CFAP418: variants seen among roughly 807,000 people sequenced by gnomAD.
CFAP418 encodes cilia- and flagella-associated protein 418.
A neutral mutation model predicts 24.7 loss-of-function variants in CFAP418; 27 were observed. The observed-to-expected ratio is 1.09, with a 90% CI of 0.81 to 1.51. The LOEUF is 1.51. Among genes scored for constraint, CFAP418 ranks in the 40% most tolerant of loss-of-function variants. The pLI, the probability that CFAP418 is intolerant of heterozygous loss-of-function variation, is 0.00. For missense variants in CFAP418, 257 were observed against 255.2 expected (o/e 1.01, Z -0.05); for synonymous variants, 74 against 87.3 (o/e 0.85, Z 0.85).
At chr8:95,265,789 T>C (rs936645475) in intron 1 of CFAP418, among the ~76,000 whole-genome samples, 3 of 152,228 alleles carry the variant, frequency 2.0e-5, no homozygotes, top group Non-Finnish European at 4.4e-5. Context: ...TGCTTTGCTA[T>C]AGTAATAACA....
chr8:95,264,026 A>C (rs1811935335), intron 1 of CFAP418, among the ~76,000 whole-genome samples: 1 of 152,216 alleles, frequency 6.6e-6, no homozygotes, highest in Non-Finnish European at 1.5e-5. Context: ...ACAGCTATAT[A>C]CATTATATTC....
chr8:95,247,713 T>C lies in CFAP418; in HGVS notation c.528A>G (p.Thr176=), dbSNP rs143748636. 3,605 of 1,613,924 alleles carry C rather than the reference T, an allele frequency of 2.2e-3. 11 individuals are homozygous for C. The highest frequency in any genetic ancestry group is 2.8e-3 in the Non-Finnish European group (3,311 of 1,179,886). ...LKAKLIKKKG[T]RAYACQCSWR... Reference sequence around the variant, plus strand: ...AGCTACACTGGCAGGCATATGCCCGTGTTCCTTTCTTCTTTATCAACTTTG... The same window carrying C: ...AGCTACACTGGCAGGCATATGCCCGCGTTCCTTTCTTCTTTATCAACTTTG... The change falls in exon 6 of 6, where the codon ACA becomes ACG. Residue 176 remains threonine (T), a synonymous_variant. Coordinates refer to ENST00000286688, the MANE Select transcript of CFAP418 (RefSeq NM_177965.4).
intron 4 of CFAP418, among the ~76,000 whole-genome samples, chr8:95,258,633 T>G (rs528623185): frequency 9.8e-5 from 15 of 152,312 alleles, no homozygotes; most frequent in African/African-American, 3.4e-4. Context: ...AAGTCTATAC[T>G]AGTGTAATAT....
In CFAP418 at chr8:95,247,773, A is replaced by T; in HGVS notation, c.471-3T>A. 1 of 1,599,484 alleles carries T rather than the reference A, an allele frequency of 6.3e-7. No individual in the cohort carries two copies. The highest frequency in any genetic ancestry group is 8.5e-7 in the Non-Finnish European group (1 of 1,172,260). ...TGTGAAATTCTGGCATGTTGTTCCT[A>T]TTAGTAAAACAGGAAAGTTTTAGCA... On this transcript the variant is annotated splice_region_variant and splice_polypyrimidine_tract_variant and intron_variant, in intron 5 of 5. Coordinates refer to ENST00000286688, the MANE Select transcript of CFAP418 (RefSeq NM_177965.4).
At chr8:95,251,106 G>T (rs1811700165) in intron 5 of CFAP418, among the ~76,000 whole-genome samples, 1 of 152,182 alleles carries the variant, frequency 6.6e-6, no homozygotes, top group Admixed American at 6.5e-5. Context: ...AAGTGTATAA[G>T]AATGTACAAA....
chr8:95,265,437 T>C (rs1811963017), intron 1 of CFAP418, among the ~76,000 whole-genome samples: 2 of 152,342 alleles, frequency 1.3e-5, no homozygotes, highest in Admixed American at 6.5e-5. Context: ...GTGAAACTCT[T>C]CTCTCGAAGG....
chr8:95,247,712 G>A lies in CFAP418; in HGVS notation c.529C>T (p.Arg177Trp), dbSNP rs387907136. Residue 177 changes from arginine (R) to tryptophan (W), a missense_variant, in exon 6 of 6, where the codon CGG becomes TGG. By Grantham distance (101) the Arg-to-Trp change is moderately radical. Transcript: ENST00000286688. The part of the protein sequence containing the change: ...KAKLIKKKGT[R>W]AYACQCSWRT... ...CAGCTACACTGGCAGGCATATGCCC[G>A]TGTTCCTTTCTTCTTTATCAACTTT... 38 of 1,613,454 alleles carry A rather than the reference G, an allele frequency of 2.4e-5. No homozygotes were observed. Among genetic ancestry groups the A allele is most frequent in the Middle Eastern group, 1.6e-4 (1 of 6,078 alleles).
At chr8:95,264,642 A>C (rs187786966) in intron 1 of CFAP418, among the ~76,000 whole-genome samples, 31 of 152,340 alleles carry the variant, frequency 2.0e-4, no homozygotes, top group Admixed American at 1.4e-3. Flanking sequence ...CATCAACTTT[A>C]TAACTTCATT....
At chr8:95,264,608 C>T (rs536312559) in intron 1 of CFAP418, among the ~76,000 whole-genome samples, 1 of 152,226 alleles carries the variant, frequency 6.6e-6, no homozygotes, top group East Asian at 1.9e-4. Flanking sequence ...CTTTCTTTAG[C>T]GTTTGTATGA....
chr8:95,263,692 G>GT lies in CFAP418; in HGVS notation c.237dup (p.Pro80ThrfsTer3). On this transcript the variant is annotated frameshift_variant, in exon 2 of 6. Transcript: ENST00000286688. LOFTEE classifies it high-confidence loss of function. ...ATTTATAACACTTGACTTACAGAGG[G>GT]TTTTTTGTCCAAGTTGGGCTCTTCA... The GT allele has an allele frequency of 2.5e-6, 4 of 1,589,082 alleles. No homozygotes were observed. Among genetic ancestry groups the GT allele is most frequent in the East Asian group, 2.2e-5 (1 of 44,588 alleles).
intron 5 of CFAP418, 30 bp from the exon 6 acceptor site, chr8:95,247,800 A>G (rs754957091): frequency 6.4e-7 from 1 of 1,561,176 alleles, no homozygotes. Context: ...GTTTTAGCAT[A>G]GTGGCTTTGT....
intron 4 of CFAP418, among the ~76,000 whole-genome samples, chr8:95,256,016 A>G (rs13276119): frequency 0.065 from 9,852 of 152,332 alleles, 402 homozygotes; most frequent in Non-Finnish European, 0.088. Flanking sequence ...GGTAGAAATC[A>G]GGTATAATTG....
Position 95,258,350 on chromosome 8 carries a change from C to T in CFAP418, c.374+1490G>A, listed in dbSNP as rs57741605. Among the ~76,000 whole-genome samples, 871 of 142,276 alleles carry T rather than the reference C, an allele frequency of 6.1e-3. 9 individuals carry two copies. Among genetic ancestry groups the T allele is most frequent in the African/African-American group, 0.021 (800 of 38,110 alleles). 93.3% of individuals were successfully genotyped at this position (142,276 alleles called of 152,430 possible). On this transcript the variant is annotated intron_variant, in intron 4 of 5. Transcript: ENST00000286688. ...AGAGCCGAGACTGCGCCACTGCACT[C>T]CAGCCTGGGCGACAGAGCGAGACTC... is the stretch of plus-strand genomic sequence containing the variant.
Position 95,247,482 on chromosome 8 carries a change from A to G in CFAP418, c.*135T>C. ...TAGTCCATTTGGTCTTCAAAAATGTATGTAGTTGTATCAATAAAATTCACT... is the reference window on the plus strand; with the variant it reads ...TAGTCCATTTGGTCTTCAAAAATGTGTGTAGTTGTATCAATAAAATTCACT... On this transcript the variant is annotated 3_prime_UTR_variant, in exon 6 of 6. Transcript: ENST00000286688. 3.2e-6 allele frequency: 3 copies of G among 942,850 alleles called. No individual in the cohort carries two copies. The allele number at this position is 942,850 out of a possible 1,614,324, so 58.4% of individuals were successfully genotyped here.
At chr8:95,266,040 A>G (rs974733784) in intron 1 of CFAP418, among the ~76,000 whole-genome samples, 1 of 152,244 alleles carries the variant, frequency 6.6e-6, no homozygotes, top group Non-Finnish European at 1.5e-5. Context: ...TATTATATAG[A>G]AAGCTTAAAT....
intron 4 of CFAP418, among the ~76,000 whole-genome samples, chr8:95,258,256 C>T (rs1299089627): frequency 2.0e-5 from 3 of 151,552 alleles, no homozygotes; most frequent in African/African-American, 7.3e-5. Flanking sequence ...GTGGCGGGCA[C>T]CTGTAGTCCC....
intron 4 of CFAP418, among the ~76,000 whole-genome samples, chr8:95,256,315 T>C (rs1215771626): frequency 6.6e-6 from 1 of 152,232 alleles, no homozygotes; most frequent in Non-Finnish European, 1.5e-5. Context: ...AGAATAAAGA[T>C]TCTTGTCCCT....
intron 5 of CFAP418, among the ~76,000 whole-genome samples, chr8:95,249,167 C>T (rs193064172): frequency 4.6e-5 from 7 of 152,164 alleles, no homozygotes; most frequent in African/African-American, 9.6e-5. Flanking sequence ...GAATCCTTAG[C>T]GATTTTAGGA....
At chr8:95,256,026 G>A (rs1811781735) in intron 4 of CFAP418, among the ~76,000 whole-genome samples, 2 of 152,186 alleles carry the variant, frequency 1.3e-5, no homozygotes, top group South Asian at 4.1e-4. Context: ...AGGTATAATT[G>A]ATTTCGGCAT....
Sources: gnomAD v4.1 joint callset for allele counts (sites outside exome capture counted in the v4.1 genomes callset) on GRCh38, gnomAD v4.1.1 for gene constraint, MANE v1.5 for transcripts, NCBI Gene and HGNC (gene_info 2026-07-23, HGNC 2026-07-21) for gene names.